Variants in MSH4 observed in about 807,000 individuals in gnomAD.
The protein encoded by MSH4 is mutS protein homolog 4.
Under a neutral mutation model 113.7 loss-of-function variants are expected in MSH4, and 106 were observed. The observed-to-expected ratio is 0.93, with a 90% CI of 0.80 to 1.10. The LOEUF is 1.10. Ranked by LOEUF, MSH4 falls within the 50% of genes least tolerant of loss-of-function variation. The probability of loss-of-function intolerance (pLI) is 0.00; values close to 1 mark genes in which losing one functional copy is unlikely to be tolerated. For missense variants in MSH4, 1,061 were observed against 1,093.7 expected, an observed-to-expected ratio of 0.97 and a Z score of 0.42; for synonymous variants, 368 against 380.2, an observed-to-expected ratio of 0.97 and a Z score of 0.37.
At chr1:75,841,165 C>CTCCT (rs1051099061) in intron 7 of MSH4, among the ~76,000 whole-genome samples, 5 of 147,314 alleles carry the variant, frequency 3.4e-5, no homozygotes, top group Non-Finnish European at 6.0e-5. Context: ...CCTTCCCTCC[C>CTCCT]TCCCTCCCTC....
chr1:75,896,346 AACACAC>A (rs4035039), intron 17 of MSH4, among the ~76,000 whole-genome samples: 25,388 of 137,112 alleles, frequency 0.19, 3,000 homozygotes, highest in East Asian at 0.52. Context: ...ACACACATAC[AACACAC>A]ACACACACAC....
intron 7 of MSH4, among the ~76,000 whole-genome samples, chr1:75,837,514 G>A (rs1650858090): frequency 6.6e-6 from 1 of 150,752 alleles, no homozygotes; most frequent in Non-Finnish European, 1.5e-5. Flanking sequence ...AGCCTCCCGA[G>A]TAGCTGAGAA....
chr1:75,818,120 A>C (rs1377121488), intron 6 of MSH4, among the ~76,000 whole-genome samples: 1 of 152,148 alleles, frequency 6.6e-6, no homozygotes, highest in Non-Finnish European at 1.5e-5. Context: ...CCCTCTTCTT[A>C]CCTTCCTATA....
chr1:75,823,839 G>A (rs1025228080), intron 7 of MSH4, among the ~76,000 whole-genome samples: 4 of 152,146 alleles, frequency 2.6e-5, no homozygotes, highest in Admixed American at 2.6e-4. Context: ...GTATTCCATG[G>A]TGTATATGTG....
intron 8 of MSH4, among the ~76,000 whole-genome samples, chr1:75,860,970 C>G (rs987886913): frequency 1.3e-5 from 2 of 152,148 alleles, no homozygotes; most frequent in Non-Finnish European, 2.9e-5. Flanking sequence ...TCTTTTCACT[C>G]TTTTTTCTCT....
At chr1:75,879,180 A>G (rs1411623475) in intron 12 of MSH4, 52 bp downstream of exon 12, 1 of 1,541,034 alleles carries the variant, frequency 6.5e-7, no homozygotes, top group Admixed American at 1.8e-5. Context: ...ATAGAATTAC[A>G]TCTACATATT....
intron 7 of MSH4, among the ~76,000 whole-genome samples, chr1:75,836,619 A>G (rs1650835350): frequency 6.6e-6 from 1 of 152,168 alleles, no homozygotes; most frequent in South Asian, 2.1e-4. Context: ...TGTTAAATGT[A>G]ATGGACACGT....
intron 17 of MSH4, among the ~76,000 whole-genome samples, chr1:75,892,773 C>G (rs1397294552): frequency 6.6e-6 from 1 of 152,076 alleles, no homozygotes; most frequent in Non-Finnish European, 1.5e-5. Context: ...CAGGAAGAAC[C>G]AGGCATCACA....
chr1:75,883,612 T>A lies in MSH4; in HGVS notation c.1907-9T>A, dbSNP rs1437609960. ...AATCTTTAAAAACCATTCTATTTTTTTTCTTAAGTTCGACCAGAATTTACT... is the reference window on the plus strand; with the variant it reads ...AATCTTTAAAAACCATTCTATTTTTATTCTTAAGTTCGACCAGAATTTACT... On this transcript the variant is annotated splice_polypyrimidine_tract_variant and intron_variant, in intron 14 of 19. Transcript: ENST00000263187. 1 of 1,602,766 alleles carries A rather than the reference T, an allele frequency of 6.2e-7. No homozygotes were observed. Among genetic ancestry groups the A allele is most frequent in the Non-Finnish European group, 8.5e-7 (1 of 1,174,982 alleles).
At chr1:75,875,267 G>T (rs1570981411) in intron 9 of MSH4, among the ~76,000 whole-genome samples, 1 of 152,136 alleles carries the variant, frequency 6.6e-6, no homozygotes, top group South Asian at 2.1e-4. Flanking sequence ...AGACAAAATG[G>T]TTCTGATTCA....
intron 17 of MSH4, among the ~76,000 whole-genome samples, chr1:75,897,489 G>C (rs1652410670): frequency 6.6e-6 from 1 of 151,990 alleles, no homozygotes; most frequent in Admixed American, 6.6e-5. Context: ...AACTAGGGAG[G>C]CTACTTTTAT....
intron 7 of MSH4, among the ~76,000 whole-genome samples, chr1:75,829,263 G>A (rs1037537869): frequency 1.3e-5 from 2 of 152,084 alleles, no homozygotes; most frequent in Admixed American, 6.6e-5. Context: ...GCTGAGGCTT[G>A]AGTAGGTAAA....
chr1:75,824,758 G>A (rs1019786437), intron 7 of MSH4, among the ~76,000 whole-genome samples: 1 of 152,026 alleles, frequency 6.6e-6, no homozygotes, highest in African/African-American at 2.4e-5. Context: ...CTTTTGTTAG[G>A]TTTGTCAAAC....
In MSH4 at chr1:75,912,976, A is replaced by T; in HGVS notation, c.*89A>T. 1 of 738,840 alleles carries T rather than the reference A, an allele frequency of 1.4e-6. No homozygotes were observed. The highest frequency in any genetic ancestry group is 2.0e-6 in the Non-Finnish European group (1 of 509,816). The allele number at this position is 738,840 out of a possible 1,614,324, so 45.8% of individuals were successfully genotyped here. On this transcript the variant is annotated 3_prime_UTR_variant, in exon 20 of 20. Transcript: ENST00000263187. ...AGATAAGGAAAATAACATTTGCCAAATTTCATATTTTAATTGAAAATTACA... is the reference window on the plus strand; with the variant it reads ...AGATAAGGAAAATAACATTTGCCAATTTTCATATTTTAATTGAAAATTACA...
chr1:75,881,474 T>C, intron 14 of MSH4, 104 bp downstream of exon 14: 1 of 1,192,802 alleles, frequency 8.4e-7, no homozygotes, highest in Non-Finnish European at 1.2e-6. Flanking sequence ...TAACTTGAAA[T>C]AGAGTCTCTT....
intron 2 of MSH4, among the ~76,000 whole-genome samples, chr1:75,806,500 G>A (rs1217850672): frequency 6.6e-6 from 1 of 151,940 alleles, no homozygotes; most frequent in African/African-American, 2.4e-5. Context: ...GCCCACCTCG[G>A]CCTCCCAAAG....
chr1:75,834,692 A>G (rs1356738367), intron 7 of MSH4, among the ~76,000 whole-genome samples: 3 of 152,204 alleles, frequency 2.0e-5, no homozygotes, highest in African/African-American at 7.2e-5. Flanking sequence ...AGAAAACCAA[A>G]CACCGCATGT....
intron 8 of MSH4, among the ~76,000 whole-genome samples, chr1:75,854,455 T>C (rs1315082914): frequency 6.6e-6 from 1 of 152,132 alleles, no homozygotes; most frequent in Admixed American, 6.5e-5. Flanking sequence ...CCAAAACCTG[T>C]GTCAGGGTTT....
chr1:75,855,694 AT>A (rs1651300613), intron 8 of MSH4, among the ~76,000 whole-genome samples: 1 of 152,140 alleles, frequency 6.6e-6, no homozygotes, highest in African/African-American at 2.4e-5. Context: ...TTTGTATGAC[AT>A]CAATATTATT....
Sources: gnomAD v4.1 joint callset for allele counts (sites outside exome capture counted in the v4.1 genomes callset) on GRCh38, gnomAD v4.1.1 for gene constraint, MANE v1.5 for transcripts, NCBI Gene and HGNC (gene_info 2026-07-23, HGNC 2026-07-21) for gene names.